Variants in ELK4 observed in about 807,000 individuals in gnomAD.
ELK4 encodes ETS domain-containing protein Elk-4.
Under a neutral mutation model 29.6 loss-of-function variants are expected in ELK4, and 16 were observed. The observed-to-expected ratio is 0.54, with a 90% CI of 0.37 to 0.82. ELK4 has a LOEUF of 0.82. ELK4 is among the 40% of genes least tolerant of loss of function. ELK4 has a pLI of 0.00. For missense variants in ELK4, 465 were observed against 507.1 expected (o/e 0.92, Z 0.80); for synonymous variants, 213 against 191.1 (o/e 1.11, Z -0.95).
chr1:205,625,532 C>T (rs778731019), intron 1 of ELK4: 128 of 783,542 alleles, frequency 1.6e-4, no homozygotes, highest in Non-Finnish European at 2.3e-4. Context: ...CGGGCGGCTC[C>T]GAGAGCAAGA....
chr1:205,620,844 G>A lies in ELK4; in HGVS notation c.208-6C>T, dbSNP rs1436418662. 5 of 1,583,252 alleles carry A rather than the reference G, an allele frequency of 3.2e-6. No individual in the cohort carries two copies. The highest frequency in any genetic ancestry group is 4.3e-6 in the Non-Finnish European group (5 of 1,170,834). On this transcript the variant is annotated splice_polypyrimidine_tract_variant and splice_region_variant and intron_variant, in intron 2 of 4. Coordinates refer to ENST00000357992, the MANE Select transcript of ELK4 (RefSeq NM_001973.4). The stretch of plus-strand genomic sequence containing the variant: ...TTCACTTTTTTGATGATATTCTGTA[G>A]GTTAAAAAAAAAAGCATTTTTATCC...
intron 1 of ELK4, among the ~76,000 whole-genome samples, chr1:205,627,601 T>C (rs1670491407): frequency 6.6e-6 from 1 of 152,182 alleles, no homozygotes; most frequent in Non-Finnish European, 1.5e-5. Context: ...AGGTGAATTT[T>C]ATGGTATGTG....
In ELK4 at chr1:205,616,673, T is replaced by A. The variant is rs781581892; in HGVS notation, c.1198-29A>T. 22 of 1,592,488 alleles carry A rather than the reference T, an allele frequency of 1.4e-5. No homozygotes were observed. In the African/African-American group the frequency reaches 2.4e-4, roughly 17 times the overall value. On this transcript the variant is annotated intron_variant, in intron 4 of 4. Transcript: ENST00000357992. ...AGAAAGAAAACAAAACACATTATCATCCTATTACTCAACCCCAACTTTTAC... is the reference window on the plus strand; with the variant it reads ...AGAAAGAAAACAAAACACATTATCAACCTATTACTCAACCCCAACTTTTAC...
At position 205,613,729 on chromosome 1, in the gene ELK4, C is replaced by T. The variant is rs923061810; in HGVS notation, c.*2817G>A. ...TTCTAGCACACGACTGAGTGGATAG[C>T]GACCAGAGCAGAAGGAAAGCTAAGG... On this transcript the variant is annotated 3_prime_UTR_variant, in exon 5 of 5. Transcript: ENST00000357992. 4.5e-5 allele frequency: 6 copies of T among 132,824 alleles called. No homozygotes were observed. The highest frequency in any genetic ancestry group is 1.9e-4 in the Admixed American group (2 of 10,606). 8.2% of individuals were successfully genotyped at this position (132,824 alleles called of 1,614,324 possible). A position where few individuals can be genotyped will look rare whatever the true frequency, so the allele number is the denominator to read the frequency against.
chr1:205,624,843 CAA>C (rs893880977), intron 1 of ELK4, among the ~76,000 whole-genome samples: 64 of 152,286 alleles, frequency 4.2e-4, no homozygotes, highest in African/African-American at 1.4e-3. Flanking sequence ...CCCCAGGGGT[CAA>C]AGTCATCCCG....
At position 205,616,504 on chromosome 1, in the gene ELK4, G is replaced by C; in HGVS notation, c.*42C>G. The C allele has an allele frequency of 2.6e-6, 4 of 1,548,198 alleles. No homozygotes were observed. The highest frequency in any genetic ancestry group is 3.6e-6 in the Non-Finnish European group (4 of 1,121,134). On this transcript the variant is annotated 3_prime_UTR_variant, in exon 5 of 5. Coordinates refer to ENST00000357992, the MANE Select transcript of ELK4 (RefSeq NM_001973.4). Reference sequence around the variant, plus strand: ...TCAAATGCAATCATGTTGAATGTCTGTTTCTTCGTTCCTCGGTTCTCTCAT... The same window carrying C: ...TCAAATGCAATCATGTTGAATGTCTCTTTCTTCGTTCCTCGGTTCTCTCAT...
chr1:205,608,004 A>G lies in ELK4; in HGVS notation c.*8542T>C, dbSNP rs1267727136. 4 of 177,686 alleles carry G rather than the reference A, an allele frequency of 2.3e-5. No individual in the cohort carries two copies. In the East Asian group the frequency reaches 2.8e-4, roughly 12 times the overall value. The allele number at this position is 177,686 out of a possible 1,614,324, so 11.0% of individuals were successfully genotyped here. On this transcript the variant is annotated 3_prime_UTR_variant, in exon 5 of 5. Transcript: ENST00000357992. Reference sequence around the variant, plus strand: ...CTGCTGTCCATATCTAGTTGCACATATATCTATTAACATATATGTATACTT... The same window carrying G: ...CTGCTGTCCATATCTAGTTGCACATGTATCTATTAACATATATGTATACTT...
chr1:205,621,191 C>CT (rs1670339206), intron 2 of ELK4, among the ~76,000 whole-genome samples: 1 of 66,392 alleles, frequency 1.5e-5, no homozygotes, highest in African/African-American at 6.0e-5. Context: ...AAGAGTCTGT[C>CT]TTAAAAAAAA....
At chr1:205,625,889 G>T (rs1245004713) in intron 1 of ELK4, 1 of 686,932 alleles carries the variant, frequency 1.5e-6, no homozygotes, top group Non-Finnish European at 2.7e-6. Flanking sequence ...ATGTTGGTCA[G>T]GCTGGTCTTG....
chr1:205,618,194 T>TA (rs1451787791), intron 4 of ELK4, among the ~76,000 whole-genome samples: 1 of 151,868 alleles, frequency 6.6e-6, no homozygotes, highest in Non-Finnish European at 1.5e-5. Context: ...ATGCCTAACT[T>TA]AATTTTTTTT....
At chr1:205,631,609 G>A in intron 1 of ELK4, 23 bp downstream of exon 1, 1 of 226,862 alleles carries the variant, frequency 4.4e-6, no homozygotes. Flanking sequence ...ATCCCGAGGG[G>A]GCGCGCGGGG....
At chr1:205,619,887 G>C (rs1483486948) in intron 3 of ELK4, 79 bp downstream of exon 3, 10 of 1,612,722 alleles carry the variant, frequency 6.2e-6, no homozygotes, top group Non-Finnish European at 8.5e-6. Context: ...AAGCAAACTT[G>C]AGTGTATAAA....
In ELK4 at chr1:205,611,223, C is replaced by CAGTT. The variant is rs1558018010; in HGVS notation, c.*5319_*5322dup. On this transcript the variant is annotated 3_prime_UTR_variant, in exon 5 of 5. Transcript: ENST00000357992. Reference sequence around the variant, plus strand: ...CAGAGAAGTGACTTGAAGAAACTGACAGTTTCAAATGAAACAATTATACTA... The same window carrying CAGTT: ...CAGAGAAGTGACTTGAAGAAACTGACAGTTAGTTTCAAATGAAACAATTATACTA... 1 of 210,976 alleles carries CAGTT rather than the reference C, an allele frequency of 4.7e-6. No homozygotes were observed. Among genetic ancestry groups the CAGTT allele is most frequent in the African/African-American group, 2.3e-5 (1 of 44,170 alleles). 13.1% of individuals were successfully genotyped at this position (210,976 alleles called of 1,614,324 possible). A position where few individuals can be genotyped will look rare whatever the true frequency, so the allele number is the denominator to read the frequency against.
At chr1:205,621,542 T>TG (rs1442445546) in intron 2 of ELK4, among the ~76,000 whole-genome samples, 4 of 152,070 alleles carry the variant, frequency 2.6e-5, no homozygotes, top group African/African-American at 9.7e-5. Flanking sequence ...TTTTTTGAGA[T>TG]GGAGTCTCAC....
chr1:205,623,839 A>G lies in ELK4; in HGVS notation c.44T>C (p.Leu15Pro). The change falls in exon 2 of 5, where the codon CTG (leucine) becomes CCG (proline). Residue 15 changes from leucine to proline, a missense_variant. By Grantham distance (98) the Leu-to-Pro change is moderately conservative. Around this residue, in one of 2 missense-constraint regions of ELK4, gnomAD observed 385 missense variants for 387.5 expected, o/e 0.99. Transcript: ENST00000357992. The stretch of plus-strand genomic sequence containing the variant: ...CATGTGCTTGTTCTGAGGCTTCTGC[A>G]GGAGCTGAAGAAGGAACTGCCACAG... Reference protein sequence around the residue: ...ITLWQFLLQLLQKPQNKHMIC... With the variant: ...ITLWQFLLQLPQKPQNKHMIC... The G allele has an allele frequency of 6.2e-7, 1 of 1,614,226 alleles. No individual in the cohort carries two copies. The highest frequency in any genetic ancestry group is 8.5e-7 in the Non-Finnish European group (1 of 1,180,042).
At chr1:205,625,782 G>A (rs1670442722) in intron 1 of ELK4, 8 of 629,736 alleles carry the variant, frequency 1.3e-5, no homozygotes, top group South Asian at 8.6e-5. Context: ...GGGTTCAAGC[G>A]ATTCTCCTGT....
chr1:205,609,308 T>G lies in ELK4; in HGVS notation c.*7238A>C, dbSNP rs898406903. 3.2e-5 allele frequency: 6 copies of G among 188,924 alleles called. No homozygotes were observed. The highest frequency in any genetic ancestry group is 6.2e-5 in the Admixed American group (1 of 16,148). The allele number at this position is 188,924 out of a possible 1,614,324, so 11.7% of individuals were successfully genotyped here. A position where few individuals can be genotyped will look rare whatever the true frequency, so the allele number is the denominator to read the frequency against. ...AGAAACTAATTTTAATCAAAAATTT[T>G]TACTTGCCTCAAACTAAAGCTAACC... On this transcript the variant is annotated 3_prime_UTR_variant, in exon 5 of 5. Transcript: ENST00000357992.
chr1:205,630,599 C>T (rs929806307), intron 1 of ELK4, among the ~76,000 whole-genome samples: 2 of 152,198 alleles, frequency 1.3e-5, no homozygotes, highest in African/African-American at 4.8e-5. Context: ...TTTAACTACA[C>T]AGGCTCCTAA....
intron 1 of ELK4, among the ~76,000 whole-genome samples, chr1:205,628,515 T>C (rs1163575509): frequency 2.0e-5 from 3 of 152,218 alleles, no homozygotes; most frequent in African/African-American, 4.8e-5. Flanking sequence ...GTGGTGCCTA[T>C]TATTCCATTT....
Sources: allele counts gnomAD v4.1 joint callset (sites outside exome capture counted in the v4.1 genomes callset), GRCh38; gene constraint gnomAD v4.1.1; regional missense constraint gnomAD v4.1.1; transcripts MANE v1.5; gene names NCBI Gene and HGNC (gene_info 2026-07-23, HGNC 2026-07-21).